TPD52L1: variants seen among roughly 807,000 people sequenced by gnomAD.
TPD52L1 encodes tumor protein D53.
TPD52L1 carries 18 observed loss-of-function variants against 28.7 expected under a neutral mutation model. The observed-to-expected ratio is 0.63, with a 90% CI of 0.43 to 0.93. The LOEUF (loss-of-function observed/expected upper bound fraction) is 0.93, where lower values mean the gene tolerates loss of function less well. TPD52L1 is among the 40% of genes least tolerant of loss of function. TPD52L1 has a pLI of 0.00. For synonymous variants in TPD52L1, 75 were observed against 88.8 expected, an observed-to-expected ratio of 0.84 and a Z score of 0.88; for missense variants, 203 against 254.8, an observed-to-expected ratio of 0.80 and a Z score of 1.39.
intron 3 of TPD52L1, among the ~76,000 whole-genome samples, chr6:125,244,200 T>G (rs1045435037): frequency 6.6e-6 from 1 of 152,184 alleles, no homozygotes; most frequent in Non-Finnish European, 1.5e-5. Context: ...CTCTTGAAGC[T>G]TATCTTGTTC....
rs548099198 is a variant in TPD52L1 at position 125,221,499 on chromosome 6, G to A, written c.135+1306G>A. 5.3e-5 allele frequency among the ~76,000 whole-genome samples: 8 copies of A among 152,234 alleles called. No individual in the cohort carries two copies. In the South Asian group the frequency reaches 1.7e-3, roughly 32 times the overall value. ...GGTGATAATGCTAGTTTAAGTTTAGGCACAATGTCTGTAACTGACCAATTT... is the reference window on the plus strand; with the variant it reads ...GGTGATAATGCTAGTTTAAGTTTAGACACAATGTCTGTAACTGACCAATTT... On this transcript the variant is annotated intron_variant, in intron 2 of 6. Coordinates refer to ENST00000534000, the MANE Select transcript of TPD52L1 (RefSeq NM_003287.4).
intron 1 of TPD52L1, among the ~76,000 whole-genome samples, chr6:125,188,300 C>T (rs75550989): frequency 1.3e-5 from 2 of 152,242 alleles, no homozygotes; most frequent in African/African-American, 2.4e-5. Context: ...CTGTCTTCTT[C>T]ACCTAGTAAG....
intron 1 of TPD52L1, among the ~76,000 whole-genome samples, chr6:125,160,218 A>AT (rs914514680): frequency 1.3e-5 from 2 of 152,028 alleles, no homozygotes; most frequent in African/African-American, 4.8e-5. Flanking sequence ...AGAAAGAAAT[A>AT]TTTTTTTTCT....
chr6:125,158,314 A>G (rs954287747), intron 1 of TPD52L1, among the ~76,000 whole-genome samples: 6 of 152,234 alleles, frequency 3.9e-5, no homozygotes, highest in Admixed American at 3.3e-4. Flanking sequence ...AATAAATATC[A>G]GATTAACCCT....
intron 1 of TPD52L1, among the ~76,000 whole-genome samples, chr6:125,206,392 T>A (rs1439262629): frequency 6.6e-6 from 1 of 152,164 alleles, no homozygotes; most frequent in Non-Finnish European, 1.5e-5. Flanking sequence ...ATATTTTGTA[T>A]ATATATAATG....
At chr6:125,226,525 G>A (rs1366145160) in intron 2 of TPD52L1, among the ~76,000 whole-genome samples, 1 of 151,816 alleles carries the variant, frequency 6.6e-6, no homozygotes, top group Non-Finnish European at 1.5e-5. Flanking sequence ...ACACTTATGG[G>A]GCTCCATGGC....
At chr6:125,234,588 A>T (rs901163555) in intron 3 of TPD52L1, among the ~76,000 whole-genome samples, 1 of 152,198 alleles carries the variant, frequency 6.6e-6, no homozygotes, top group Non-Finnish European at 1.5e-5. Context: ...TGGTGAACCT[A>T]TATTTAGCTT....
At chr6:125,237,437 T>C (rs906848269) in intron 3 of TPD52L1, among the ~76,000 whole-genome samples, 3 of 152,162 alleles carry the variant, frequency 2.0e-5, no homozygotes, top group African/African-American at 7.2e-5. Context: ...TCCTGATGAA[T>C]TTGATTTGGA....
At position 125,256,075 on chromosome 6, in the gene TPD52L1, A is replaced by G. The variant is rs113089554; in HGVS notation, c.426-1023A>G. ...AATAAAATGCCATTAGGGGCCAGGC[A>G]CGGTGGCTCACGCCTGTAATCCCAG... On this transcript the variant is annotated intron_variant, in intron 5 of 6. Transcript: ENST00000534000. Among the ~76,000 whole-genome samples the G allele has an allele frequency of 2.1e-3, 324 of 152,312 alleles. 2 individuals are homozygous for G. Among genetic ancestry groups the G allele is most frequent in the African/African-American group, 7.3e-3 (305 of 41,572 alleles).
intron 1 of TPD52L1, among the ~76,000 whole-genome samples, chr6:125,199,312 G>A (rs1258016724): frequency 2.6e-5 from 4 of 152,192 alleles, no homozygotes; most frequent in African/African-American, 9.7e-5. Context: ...AATAATTATT[G>A]ATATTTGCAT....
At chr6:125,166,544 T>C (rs1790917407) in intron 1 of TPD52L1, among the ~76,000 whole-genome samples, 2 of 152,170 alleles carry the variant, frequency 1.3e-5, no homozygotes, top group South Asian at 4.1e-4. Flanking sequence ...AAAACTTTTT[T>C]TCTACCCTCT....
rs146755839 is a variant in TPD52L1 at position 125,178,525 on chromosome 6, G to A, written c.19+24555G>A. On this transcript the variant is annotated intron_variant, in intron 1 of 6. Transcript: ENST00000534000. ...GGTCCCAGCTACTCAGGAGGCTGAG[G>A]CAGGAGAATCGCTTCAACCCGGGAA... 5.3e-3 allele frequency among the ~76,000 whole-genome samples: 809 copies of A among 152,282 alleles called. 7 individuals are homozygous for A. Among genetic ancestry groups the A allele is most frequent in the African/African-American group, 0.018 (766 of 41,548 alleles).
chr6:125,252,005 G>T lies in TPD52L1; in HGVS notation c.387-1712G>T, dbSNP rs77288831. ...AACTCTGCTCCTGCTCTTCTCTCCT[G>T]TGCTTCCGGGCTGCAGGTCTCACTC... On this transcript the variant is annotated intron_variant, in intron 4 of 6. Coordinates refer to ENST00000534000, the MANE Select transcript of TPD52L1 (RefSeq NM_003287.4). The T allele has an allele frequency of 9.6e-4, 1,470 of 1,536,080 alleles. 14 individuals are homozygous for T. The African/African-American group carries it at 0.018, about 19-fold the overall frequency.
chr6:125,242,818 G>C (rs1308021654), intron 3 of TPD52L1, among the ~76,000 whole-genome samples: 1 of 152,042 alleles, frequency 6.6e-6, no homozygotes, highest in Non-Finnish European at 1.5e-5. Context: ...GTGAGGTACT[G>C]TTCTATTCAT....
At chr6:125,249,777 T>C (rs1296931062) in intron 4 of TPD52L1, among the ~76,000 whole-genome samples, 1 of 151,626 alleles carries the variant, frequency 6.6e-6, no homozygotes, top group Non-Finnish European at 1.5e-5. Context: ...TACATCTTTA[T>C]AAATTATATT....
intron 1 of TPD52L1, among the ~76,000 whole-genome samples, chr6:125,173,052 A>G (rs944269750): frequency 6.6e-6 from 1 of 152,150 alleles, no homozygotes; most frequent in South Asian, 2.1e-4. Context: ...TGTTTTTACA[A>G]GACCAATTGG....
intron 1 of TPD52L1, among the ~76,000 whole-genome samples, chr6:125,173,107 C>T (rs1002772695): frequency 2.0e-5 from 3 of 152,104 alleles, no homozygotes; most frequent in Non-Finnish European, 4.4e-5. Flanking sequence ...TAATTTCTAT[C>T]AGCCTGTCTC....
intron 5 of TPD52L1, among the ~76,000 whole-genome samples, chr6:125,256,589 CA>C (rs1414393395): frequency 3.9e-5 from 6 of 152,162 alleles, no homozygotes; most frequent in African/African-American, 1.4e-4. Flanking sequence ...AATATATGAA[CA>C]TTTTTTTCCT....
At chr6:125,194,162 AT>A (rs1444206752) in intron 1 of TPD52L1, among the ~76,000 whole-genome samples, 1 of 150,656 alleles carries the variant, frequency 6.6e-6, no homozygotes, top group Admixed American at 6.7e-5. Flanking sequence ...TAATTATAGG[AT>A]TAGTTTTAGG....
Sources: gnomAD v4.1 joint callset for allele counts (sites outside exome capture counted in the v4.1 genomes callset) on GRCh38, gnomAD v4.1.1 for gene constraint, MANE v1.5 for transcripts, NCBI Gene and HGNC (gene_info 2026-07-23, HGNC 2026-07-21) for gene names.